Variants in EXO1 observed in about 807,000 individuals in gnomAD.
EXO1 encodes the protein exonuclease 1.
A neutral mutation model predicts 84.5 loss-of-function variants in EXO1; 69 were observed. The observed-to-expected ratio is 0.82, with a 90% CI of 0.67 to 1.00. The LOEUF (loss-of-function observed/expected upper bound fraction) is 1.00, where lower values mean the gene tolerates loss of function less well. Ranked by LOEUF, EXO1 falls within the 50% of genes least tolerant of loss-of-function variation. The pLI is 0.00. For synonymous variants in EXO1, 373 were observed against 366.1 expected, an observed-to-expected ratio of 1.02 and a Z score of -0.21; for missense variants, 1,045 against 1,000.7, an observed-to-expected ratio of 1.04 and a Z score of -0.60.
chr1:241,859,824 C>T (rs1227630652), intron 8 of EXO1, among the ~76,000 whole-genome samples: 2 of 152,192 alleles, frequency 1.3e-5, no homozygotes, highest in African/African-American at 2.4e-5. Context: ...AGCTCATTTT[C>T]CCCCTTGGAT....
intron 12 of EXO1, among the ~76,000 whole-genome samples, chr1:241,875,517 T>A (rs778014802): frequency 2.6e-5 from 4 of 152,214 alleles, no homozygotes; most frequent in African/African-American, 4.8e-5. Flanking sequence ...TCACCCTTGT[T>A]AAAGGTGCTT....
At position 241,857,555 on chromosome 1, in the gene EXO1, C is replaced by T. The variant is rs187618110; in HGVS notation, c.543+73C>T. ...TGTAAATCAAGGAGCTGAAATTTTT[C>T]CTGTCCAGGAAATTATGATAATTTA... On this transcript the variant is annotated intron_variant, in intron 7 of 15. Transcript: ENST00000366548. 2.0e-4 allele frequency: 180 copies of T among 905,888 alleles called. No homozygotes were observed. The African/African-American group carries it at 2.5e-3, about 13-fold the overall frequency. 56.1% of individuals were successfully genotyped at this position (905,888 alleles called of 1,614,324 possible). A position where few individuals can be genotyped will look rare whatever the true frequency, so the allele number is the denominator to read the frequency against.
intron 12 of EXO1, among the ~76,000 whole-genome samples, chr1:241,874,180 C>CCT (rs1402352973): frequency 6.6e-6 from 1 of 152,162 alleles, no homozygotes; most frequent in Non-Finnish European, 1.5e-5. Context: ...GGGTGGATCA[C>CCT]CTGAGGTCAG....
chr1:241,883,206 C>G (rs1662870365), intron 14 of EXO1, among the ~76,000 whole-genome samples: 1 of 152,152 alleles, frequency 6.6e-6, no homozygotes, highest in South Asian at 2.1e-4. Context: ...CCTGGCTATC[C>G]ATTTGAAAGA....
intron 12 of EXO1, 98 bp from the exon 13 acceptor site, chr1:241,878,651 A>G: frequency 5.4e-6 from 4 of 740,852 alleles, no homozygotes; most frequent in East Asian, 2.7e-5. Context: ...GACTTTTTTC[A>G]AAAAGAAACT....
At chr1:241,865,610 ATGGAAT>A (rs1661667318) in intron 10 of EXO1, among the ~76,000 whole-genome samples, 1 of 152,164 alleles carries the variant, frequency 6.6e-6, no homozygotes, top group Non-Finnish European at 1.5e-5. Context: ...TTGTAATGTT[ATGGAAT>A]GCTAAGATGG....
intron 10 of EXO1, among the ~76,000 whole-genome samples, chr1:241,865,423 C>T (rs1199249862): frequency 4.6e-5 from 7 of 151,564 alleles, no homozygotes; most frequent in Non-Finnish European, 4.4e-5. Flanking sequence ...ATTGGTCAGG[C>T]TGGTCTCAAA....
intron 10 of EXO1, among the ~76,000 whole-genome samples, chr1:241,863,743 A>C (rs1776137): frequency 6.6e-6 from 1 of 152,046 alleles, no homozygotes; most frequent in Non-Finnish European, 1.5e-5. Context: ...ACCTTGCTCC[A>C]TGTAATACGG....
chr1:241,874,928 G>C (rs558588986), intron 12 of EXO1, among the ~76,000 whole-genome samples: 1 of 152,326 alleles, frequency 6.6e-6, no homozygotes, highest in Admixed American at 6.5e-5. Context: ...CACTAAGAGA[G>C]AAAAGTTACC....
intron 10 of EXO1, among the ~76,000 whole-genome samples, 199 bp from the exon 11 acceptor site, chr1:241,866,631 C>T (rs1293972099): frequency 6.9e-6 from 1 of 145,910 alleles, no homozygotes; most frequent in African/African-American, 2.5e-5. Flanking sequence ...GAAAAACAGG[C>T]CTAGGAATAT....
chr1:241,886,131 C>T (rs1010870147), intron 15 of EXO1, among the ~76,000 whole-genome samples: 2 of 152,154 alleles, frequency 1.3e-5, no homozygotes, highest in African/African-American at 2.4e-5. Context: ...GGATTACAGG[C>T]GTAAGCCACC....
rs1443137515 is a variant in EXO1, at chr1:241,861,572, C to A, written c.1041+70C>A. On this transcript the variant is annotated intron_variant, in intron 10 of 15. Coordinates refer to ENST00000366548, the MANE Select transcript of EXO1 (RefSeq NM_130398.4). Reference sequence around the variant, plus strand: ...TCCCGAGCTGTGATTAAAGGCAAATCTTCATACACTAAGCTTCTTTTAAGC... The same window carrying A: ...TCCCGAGCTGTGATTAAAGGCAAATATTCATACACTAAGCTTCTTTTAAGC... 3.6e-6 allele frequency: 3 copies of A among 831,164 alleles called. No homozygotes were observed. In the Admixed American group the frequency reaches 5.1e-5, roughly 14 times the overall value. The allele number at this position is 831,164 out of a possible 1,614,324, so 51.5% of individuals were successfully genotyped here.
intron 6 of EXO1, among the ~76,000 whole-genome samples, chr1:241,856,625 C>T (rs564412511): frequency 3.9e-5 from 6 of 152,044 alleles, no homozygotes; most frequent in African/African-American, 7.2e-5. Context: ...CATTGACTTT[C>T]GTAGCTTGAC....
At chr1:241,857,011 C>T (rs939834459) in intron 6 of EXO1, among the ~76,000 whole-genome samples, 26 of 152,176 alleles carry the variant, frequency 1.7e-4, no homozygotes, top group Non-Finnish European at 3.7e-4. Flanking sequence ...ACCACTGCCA[C>T]TCCAGCCTGG....
rs1661203509 is a variant in EXO1, at chr1:241,858,680, A to G, written c.718A>G (p.Lys240Glu). The change falls in exon 8 of 16, where the codon AAA (lysine) becomes GAA (glutamate). Residue 240 changes from lysine to glutamate, a missense_variant. Transcript: ENST00000366548. Reference protein sequence around the residue: ...LRGIGLAKACKVLRLANNPDI... With the variant: ...LRGIGLAKACEVLRLANNPDI... The stretch of plus-strand genomic sequence containing the variant: ...TGGGATTGGATTAGCAAAGGCATGC[A>G]AAGTCCTAAGACTAGCCAATAATCC... 1 of 1,613,950 alleles carries G rather than the reference A, an allele frequency of 6.2e-7. No homozygotes were observed. The highest frequency in any genetic ancestry group is 1.1e-5 in the South Asian group (1 of 91,084).
intron 6 of EXO1, 93 bp from the exon 7 acceptor site, chr1:241,857,252 G>C: frequency 1.6e-5 from 19 of 1,202,904 alleles, no homozygotes; most frequent in Non-Finnish European, 2.3e-5. Flanking sequence ...GCATGTGCCT[G>C]CTGAGGCTAG....
intron 4 of EXO1, among the ~76,000 whole-genome samples, chr1:241,851,103 T>C (rs1295400435): frequency 6.6e-6 from 1 of 152,160 alleles, no homozygotes; most frequent in Non-Finnish European, 1.5e-5. Context: ...GTGCTGAGAT[T>C]ACAGGCGTGA....
At chr1:241,853,235 A>T (rs1444474294) in intron 5 of EXO1, 123 bp from the exon 6 acceptor site, 19 of 968,044 alleles carry the variant, frequency 2.0e-5, no homozygotes, top group Non-Finnish European at 2.9e-5. Context: ...CCTGGTGTGT[A>T]CTTTCTAATG....
At chr1:241,875,249 A>G (rs1190707049) in intron 12 of EXO1, among the ~76,000 whole-genome samples, 1 of 151,982 alleles carries the variant, frequency 6.6e-6, no homozygotes, top group Non-Finnish European at 1.5e-5. Context: ...AGTGGTCCAT[A>G]CACCTTGTCC....
Sources: gnomAD v4.1 joint callset for allele counts (sites outside exome capture counted in the v4.1 genomes callset) on GRCh38, gnomAD v4.1.1 for gene constraint, MANE v1.5 for transcripts, NCBI Gene and HGNC (gene_info 2026-07-23, HGNC 2026-07-21) for gene names.